The following TBC1D19 variants were observed in gnomAD, a reference collection of about 807,000 sequenced individuals.
The protein encoded by TBC1D19 is TBC1 domain family member 19.
Under a neutral mutation model 89.0 loss-of-function variants are expected in TBC1D19, and 60 were observed. The observed-to-expected ratio is 0.67, with a 90% confidence interval of 0.55 to 0.84. The LOEUF (loss-of-function observed/expected upper bound fraction) is 0.84. Ranked by LOEUF, TBC1D19 falls within the 40% of genes least tolerant of loss-of-function variation. The pLI is 0.00. For missense variants in TBC1D19, 500 were observed against 610.8 expected, an observed-to-expected ratio of 0.82 and a Z score of 1.91; for synonymous variants, 189 against 199.7, an observed-to-expected ratio of 0.95 and a Z score of 0.45.
intron 7 of TBC1D19, 122 bp downstream of exon 7, chr4:26,640,309 T>C (rs1413871938): frequency 4.2e-6 from 3 of 722,332 alleles, no homozygotes; most frequent in African/African-American, 3.6e-5. Flanking sequence ...ACTGAAGCAG[T>C]AGAATGACAT....
At chr4:26,737,474 A>T (rs1718117385) in intron 16 of TBC1D19, among the ~76,000 whole-genome samples, 1 of 152,136 alleles carries the variant, frequency 6.6e-6, no homozygotes, top group Non-Finnish European at 1.5e-5. Context: ...AGGATACTTG[A>T]TGTCATCAAA....
At chr4:26,729,718 A>G (rs538444753) in intron 15 of TBC1D19, among the ~76,000 whole-genome samples, 34 of 152,308 alleles carry the variant, frequency 2.2e-4, no homozygotes, top group East Asian at 2.1e-3. Context: ...GATGTAGCTC[A>G]GGTTGCAGGA....
At chr4:26,852,550 C>T in the TBC1D19 span, among the ~76,000 whole-genome samples, 1 of 152,094 alleles carries the variant, frequency 6.6e-6, no homozygotes, top group African/African-American at 2.4e-5. Flanking sequence ...GGGCGAGACC[C>T]TGTCTTAAAT....
rs114102451 is a variant in TBC1D19, at chr4:26,613,445, T to G, written c.172+204T>G. Among the ~76,000 whole-genome samples the G allele has an allele frequency of 4.8e-3, 733 of 152,178 alleles. 8 individuals carry two copies. Among genetic ancestry groups the G allele is most frequent in the African/African-American group, 0.017 (693 of 41,526 alleles). ...AGAAAAGAGAGATGAGGAAAGGGCT[T>G]TACTGGCCCAGTCAGAAACAGAAAC... is the stretch of plus-strand genomic sequence containing the variant. On this transcript the variant is annotated intron_variant, in intron 2 of 20. Coordinates refer to ENST00000264866, the MANE Select transcript of TBC1D19 (RefSeq NM_018317.4).
At chr4:26,799,347 A>C in the TBC1D19 span, among the ~76,000 whole-genome samples, 39,172 of 152,102 alleles carry the variant, frequency 0.26, 5,999 homozygotes, top group Non-Finnish European at 0.35. Context: ...AAAGAGGAAA[A>C]AAACAAACAA....
chr4:26,851,315 A>ATCTGTCTGTCTGTCTG, the TBC1D19 span, among the ~76,000 whole-genome samples: 110 of 143,314 alleles, frequency 7.7e-4, 1 homozygote, highest in African/African-American at 2.7e-3. Flanking sequence ...CTATCTATCT[A>ATCTGTCTGTCTGTCTG]TCTATCTATC....
chr4:26,795,043 G>A, the TBC1D19 span, among the ~76,000 whole-genome samples: 1 of 152,178 alleles, frequency 6.6e-6, no homozygotes, highest in East Asian at 1.9e-4. Flanking sequence ...GTCAGATCAT[G>A]CCATGCCTCT....
chr4:26,627,892 T>G (rs947707262), intron 4 of TBC1D19, among the ~76,000 whole-genome samples: 63 of 152,154 alleles, frequency 4.1e-4, no homozygotes, highest in Middle Eastern at 3.4e-3. Context: ...TTAGTTTAAT[T>G]AGATCCCATT....
chr4:26,727,582 G>C, intron 15 of TBC1D19, among the ~76,000 whole-genome samples: 1 of 152,144 alleles, frequency 6.6e-6, no homozygotes, highest in South Asian at 2.1e-4. Context: ...ACTCCGTTGT[G>C]CTTTGTAGTG....
chr4:26,766,766 C>T, the TBC1D19 span, among the ~76,000 whole-genome samples: 16 of 152,132 alleles, frequency 1.1e-4, no homozygotes, highest in Non-Finnish European at 1.6e-4. Context: ...ATTACTTAAC[C>T]TTTAAGCCTT....
chr4:26,842,178 C>T, the TBC1D19 span, among the ~76,000 whole-genome samples: 1 of 151,950 alleles, frequency 6.6e-6, no homozygotes, highest in African/African-American at 2.4e-5. Context: ...TGATGGTTCC[C>T]CACTACATCT....
intron 12 of TBC1D19, among the ~76,000 whole-genome samples, chr4:26,685,726 G>T (rs149660720): frequency 9.0e-4 from 137 of 152,244 alleles, no homozygotes; most frequent in African/African-American, 3.2e-3. Flanking sequence ...ACTAGATTTG[G>T]ATCACAGGTA....
intron 4 of TBC1D19, among the ~76,000 whole-genome samples, chr4:26,624,821 A>G (rs181724568): frequency 3.3e-5 from 5 of 152,262 alleles, no homozygotes; most frequent in Admixed American, 6.5e-5. Context: ...AATTGAAATA[A>G]GACTTGGACA....
At chr4:26,745,209 T>TA (rs1377614803) in intron 18 of TBC1D19, among the ~76,000 whole-genome samples, 1 of 152,070 alleles carries the variant, frequency 6.6e-6, no homozygotes, top group Non-Finnish European at 1.5e-5. Flanking sequence ...ATTATCAATA[T>TA]CTTTTTTTAA....
intron 9 of TBC1D19, among the ~76,000 whole-genome samples, chr4:26,668,506 A>T (rs745428697): frequency 2.3e-4 from 35 of 151,972 alleles, no homozygotes; most frequent in Admixed American, 5.9e-4. Context: ...TAGGGGAAAA[A>T]ATAGTGGTAA....
the TBC1D19 span, among the ~76,000 whole-genome samples, chr4:26,778,589 C>T: frequency 6.6e-6 from 1 of 152,020 alleles, no homozygotes; most frequent in Non-Finnish European, 1.5e-5. Flanking sequence ...GGTCTTTTTT[C>T]CATATTACCC....
intron 1 of TBC1D19, among the ~76,000 whole-genome samples, chr4:26,578,058 G>A (rs878898200): frequency 1.3e-5 from 2 of 152,104 alleles, no homozygotes; most frequent in Non-Finnish European, 2.9e-5. Context: ...TCCTTGCTAA[G>A]ACACCCACTT....
At chr4:26,779,519 G>A in the TBC1D19 span, among the ~76,000 whole-genome samples, 10 of 152,138 alleles carry the variant, frequency 6.6e-5, no homozygotes, top group African/African-American at 2.2e-4. Context: ...TTCTTTCCCC[G>A]GGTCCTTCTC....
At chr4:26,620,026 C>G (rs1741939237) in intron 3 of TBC1D19, among the ~76,000 whole-genome samples, 1 of 152,160 alleles carries the variant, frequency 6.6e-6, no homozygotes, top group Non-Finnish European at 1.5e-5. Flanking sequence ...AAACATTGAA[C>G]CATCATGTCT....
Sources: gnomAD v4.1 joint callset for allele counts (sites outside exome capture counted in the v4.1 genomes callset) on GRCh38, gnomAD v4.1.1 for gene constraint, MANE v1.5 for transcripts, NCBI Gene and HGNC (gene_info 2026-07-23, HGNC 2026-07-21) for gene names.